RAB38: variants seen among roughly 807,000 people sequenced by gnomAD.
RAB38 encodes RAB38, member RAS oncogene family.
Under a neutral mutation model 18.4 loss-of-function variants are expected in RAB38, and 15 were observed. That is an observed-to-expected ratio of 0.82 (90% CI 0.55 to 1.26). The LOEUF (loss-of-function observed/expected upper bound fraction) is 1.26. Among genes scored for constraint, RAB38 ranks in the 50% most tolerant of loss-of-function variants. RAB38 has a pLI of 0.00. For synonymous variants in RAB38, 101 were observed against 104.4 expected, an observed-to-expected ratio of 0.97 and a Z score of 0.20; for missense variants, 294 against 267.4, an observed-to-expected ratio of 1.10 and a Z score of -0.69.
chr11:88,098,935 TG>T, the RAB38 span, among the ~76,000 whole-genome samples: 1 of 151,302 alleles, frequency 6.6e-6, no homozygotes, highest in East Asian at 2.0e-4. Context: ...AATATTTTTT[TG>T]TTTTCTTTTT....
chr11:87,813,744 G>A, the RAB38 span, among the ~76,000 whole-genome samples: 2 of 152,196 alleles, frequency 1.3e-5, no homozygotes, highest in South Asian at 2.1e-4. Flanking sequence ...GCTTTATTGA[G>A]GGTAGATCTT....
At chr11:88,040,675 C>G in the RAB38 span, among the ~76,000 whole-genome samples, 1 of 152,020 alleles carries the variant, frequency 6.6e-6, no homozygotes, top group South Asian at 2.1e-4. Flanking sequence ...GGTACTCCAG[C>G]CTGGACAACA....
the RAB38 span, among the ~76,000 whole-genome samples, chr11:87,878,246 CCT>C: frequency 6.5e-5 from 5 of 77,436 alleles, no homozygotes; most frequent in African/African-American, 1.7e-4. Flanking sequence ...TACACACACA[CCT>C]ATCATCTATC....
the RAB38 span, among the ~76,000 whole-genome samples, chr11:87,813,751 T>C: frequency 1.3e-5 from 2 of 152,178 alleles, no homozygotes; most frequent in African/African-American, 4.8e-5. Context: ...TGAGGGTAGA[T>C]CTTAAACACT....
chr11:88,140,064 C>T (rs1486872), intron 2 of RAB38, among the ~76,000 whole-genome samples: 81,588 of 152,090 alleles, frequency 0.54, 22,445 homozygotes, highest in African/African-American at 0.64. Context: ...TTGCATAATT[C>T]GGTGCACAAG....
intron 2 of RAB38, among the ~76,000 whole-genome samples, chr11:88,119,915 C>T (rs1942609172): frequency 6.6e-6 from 1 of 152,120 alleles, no homozygotes; most frequent in African/African-American, 2.4e-5. Context: ...TTTAAAAATC[C>T]TTTCTCTGAG....
the RAB38 span, among the ~76,000 whole-genome samples, chr11:87,946,642 T>C: frequency 2.0e-5 from 3 of 152,108 alleles, no homozygotes; most frequent in Non-Finnish European, 4.4e-5. Context: ...CATGTGGTGT[T>C]TGGTTTTTTG....
chr11:88,043,607 C>CT, the RAB38 span, among the ~76,000 whole-genome samples: 1 of 137,496 alleles, frequency 7.3e-6, no homozygotes, highest in Non-Finnish European at 1.6e-5. Flanking sequence ...TTGTGACCCC[C>CT]CCACCCTGCC....
At chr11:87,804,390 A>C in the RAB38 span, among the ~76,000 whole-genome samples, 1 of 152,122 alleles carries the variant, frequency 6.6e-6, no homozygotes, top group Non-Finnish European at 1.5e-5. Context: ...ATTTGCCTGC[A>C]TACACTGACA....
the RAB38 span, among the ~76,000 whole-genome samples, chr11:87,965,587 G>A: frequency 3.9e-5 from 6 of 152,092 alleles, no homozygotes; most frequent in African/African-American, 1.2e-4. Context: ...GGGGTATGGA[G>A]GGGTGAAAGA....
At chr11:88,118,140 TC>T (rs1012858176) in intron 2 of RAB38, among the ~76,000 whole-genome samples, 1 of 151,268 alleles carries the variant, frequency 6.6e-6, no homozygotes, top group South Asian at 2.1e-4. Flanking sequence ...TTATCTCAGC[TC>T]CCCCCCAAAT....
chr11:88,043,019 C>T, the RAB38 span, among the ~76,000 whole-genome samples: 6 of 142,430 alleles, frequency 4.2e-5, no homozygotes, highest in South Asian at 1.4e-3. Context: ...ACCACACACA[C>T]ACAGAGCAAT....
chr11:87,960,799 T>G, the RAB38 span, among the ~76,000 whole-genome samples: 3 of 152,184 alleles, frequency 2.0e-5, no homozygotes, highest in South Asian at 2.1e-4. Context: ...TCTAACCTCC[T>G]ATTGAGCTAG....
the RAB38 span, among the ~76,000 whole-genome samples, chr11:88,025,266 T>A: frequency 6.6e-6 from 1 of 151,610 alleles, no homozygotes; most frequent in Non-Finnish European, 1.5e-5. Flanking sequence ...TCACATTTTT[T>A]AATCCAATCC....
the RAB38 span, among the ~76,000 whole-genome samples, chr11:87,928,835 C>T: frequency 6.6e-6 from 1 of 152,006 alleles, no homozygotes; most frequent in African/African-American, 2.4e-5. Flanking sequence ...AAAAAGTAGG[C>T]CAGGTGCAGT....
At chr11:87,937,593 T>C in the RAB38 span, among the ~76,000 whole-genome samples, 2 of 151,772 alleles carry the variant, frequency 1.3e-5, no homozygotes, top group Non-Finnish European at 2.9e-5. Context: ...TTTAAAATTA[T>C]AAATCCAATT....
the RAB38 span, among the ~76,000 whole-genome samples, chr11:87,941,214 G>GATAGATATATATATAT: frequency 1.1e-4 from 7 of 62,534 alleles, no homozygotes; most frequent in African/African-American, 3.8e-4. Flanking sequence ...AAATATATGA[G>GATAGATATATATATAT]ATATATATAT....
At chr11:87,886,978 A>G in the RAB38 span, among the ~76,000 whole-genome samples, 1 of 152,010 alleles carries the variant, frequency 6.6e-6, no homozygotes, top group Admixed American at 6.6e-5. Flanking sequence ...TAATGAAGTA[A>G]AAGCCCGAGA....
chr11:88,073,545 A>C, the RAB38 span, among the ~76,000 whole-genome samples: 3 of 152,214 alleles, frequency 2.0e-5, no homozygotes, highest in Admixed American at 2.0e-4. Flanking sequence ...ACCTCTAAGC[A>C]AATGTATCTA....
Sources: allele counts gnomAD v4.1 joint callset (sites outside exome capture counted in the v4.1 genomes callset), GRCh38; gene constraint gnomAD v4.1.1; transcripts MANE v1.5; gene names NCBI Gene and HGNC (gene_info 2026-07-23, HGNC 2026-07-21).